TRAPPC9: variants seen among roughly 807,000 people sequenced by gnomAD.
TRAPPC9 encodes IKK2 binding protein.
A neutral mutation model predicts 124.0 loss-of-function variants in TRAPPC9; 83 were observed. The observed-to-expected ratio is 0.67, with a 90% CI of 0.56 to 0.80. The LOEUF (loss-of-function observed/expected upper bound fraction) is 0.80. Ranked by LOEUF, TRAPPC9 falls within the 30% of genes least tolerant of loss-of-function variation. The pLI, the probability that TRAPPC9 is intolerant of heterozygous loss-of-function variation, is 0.00. For missense variants in TRAPPC9, 1,302 were observed against 1,508.3 expected (o/e 0.86, Z 2.27); for synonymous variants, 638 against 617.5 (o/e 1.03, Z -0.49).
intron 21 of TRAPPC9, among the ~76,000 whole-genome samples, chr8:139,739,503 G>A (rs566361136): frequency 3.2e-4 from 49 of 152,310 alleles, no homozygotes; most frequent in African/African-American, 1.0e-3. Flanking sequence ...CCCGTCTCCC[G>A]GGCTGTGTCC....
At chr8:139,772,088 C>G (rs993019113) in intron 21 of TRAPPC9, among the ~76,000 whole-genome samples, 1 of 152,226 alleles carries the variant, frequency 6.6e-6, no homozygotes, top group African/African-American at 2.4e-5. Flanking sequence ...CTATCTAGCC[C>G]GCCAACCTCT....
Position 140,272,132 on chromosome 8 carries a change from A to ATGATGGTGATGG in TRAPPC9, c.2278+3525_2278+3526insCCATCACCATCA, listed in dbSNP as rs1250595231. On this transcript the variant is annotated intron_variant, in intron 15 of 22. Coordinates refer to ENST00000438773, the MANE Select transcript of TRAPPC9 (RefSeq NM_001160372.4). ...GGTGGTGGCAATGGTGATGGTGGCGATGGTGATGGTGATGGTGGTAGCAGT... is the reference window on the plus strand; with the variant it reads ...GGTGGTGGCAATGGTGATGGTGGCGATGATGGTGATGGTGGTGATGGTGATGGTGGTAGCAGT... Among the ~76,000 whole-genome samples, 112 of 138,756 alleles carry ATGATGGTGATGG rather than the reference A, an allele frequency of 8.1e-4. 1 individual carries two copies. The highest frequency in any genetic ancestry group is 2.7e-3 in the African/African-American group (102 of 37,990). The allele number at this position is 138,756 out of a possible 152,430, so 91.0% of individuals were successfully genotyped here.
chr8:140,379,467 C>A (rs1224832268), intron 7 of TRAPPC9, among the ~76,000 whole-genome samples: 1 of 152,124 alleles, frequency 6.6e-6, no homozygotes, highest in Non-Finnish European at 1.5e-5. Flanking sequence ...GCGGAAAGGT[C>A]CTATTCTGCC....
chr8:140,322,386 C>T (rs2066619336), intron 9 of TRAPPC9, among the ~76,000 whole-genome samples: 1 of 152,176 alleles, frequency 6.6e-6, no homozygotes, highest in African/African-American at 2.4e-5. Context: ...CCCCTGGTGG[C>T]AAGCCTTTTG....
At position 139,748,908 on chromosome 8, in the gene TRAPPC9, C is replaced by T. The variant is rs117400776; in HGVS notation, c.3056-16706G>A. Among the ~76,000 whole-genome samples the T allele has an allele frequency of 7.5e-4, 114 of 152,238 alleles. 1 individual carries two copies. The East Asian group carries it at 0.018, about 25-fold the overall frequency. On this transcript the variant is annotated intron_variant, in intron 21 of 22. Transcript: ENST00000438773. Reference sequence around the variant, plus strand: ...TGGGGTCTCCACCAGGATTTCTAGACCTTGAACTCTGGCAGTAGGTCCAGG... The same window carrying T: ...TGGGGTCTCCACCAGGATTTCTAGATCTTGAACTCTGGCAGTAGGTCCAGG...
chr8:139,970,528 C>A (rs894009535), intron 19 of TRAPPC9, among the ~76,000 whole-genome samples: 5 of 152,130 alleles, frequency 3.3e-5, no homozygotes. Flanking sequence ...CAGAGAGAGG[C>A]CCCTTCATAC....
intron 9 of TRAPPC9, among the ~76,000 whole-genome samples, chr8:140,326,883 AAAAAT>A (rs2066752761): frequency 1.3e-5 from 2 of 152,120 alleles, no homozygotes; most frequent in Admixed American, 1.3e-4. Context: ...CCTGTCTCAA[AAAAAT>A]AAAATAAAAT....
At chr8:140,008,199 T>C (rs1333147036) in intron 18 of TRAPPC9, among the ~76,000 whole-genome samples, 1 of 152,256 alleles carries the variant, frequency 6.6e-6, no homozygotes. Context: ...TTAAGTTCCC[T>C]TCCAACAAGA....
intron 15 of TRAPPC9, among the ~76,000 whole-genome samples, chr8:140,265,196 G>A (rs1237537046): frequency 1.3e-5 from 2 of 152,122 alleles, no homozygotes; most frequent in Admixed American, 1.3e-4. Context: ...TGCCACCCCA[G>A]GCCGCGCCCA....
chr8:139,755,774 G>T (rs1348058636), intron 21 of TRAPPC9, among the ~76,000 whole-genome samples: 47 of 120,722 alleles, frequency 3.9e-4, no homozygotes, highest in African/African-American at 1.5e-3. Flanking sequence ...AGGGTTTGGG[G>T]ATGAGGACAG....
At chr8:140,313,668 C>A (rs1292839183) in intron 9 of TRAPPC9, among the ~76,000 whole-genome samples, 1 of 152,146 alleles carries the variant, frequency 6.6e-6, no homozygotes, top group African/African-American at 2.4e-5. Flanking sequence ...GCAGGGCACA[C>A]CTCTCCGCTG....
At chr8:140,339,573 C>G (rs1157247128) in intron 9 of TRAPPC9, among the ~76,000 whole-genome samples, 1 of 152,200 alleles carries the variant, frequency 6.6e-6, no homozygotes, top group African/African-American at 2.4e-5. Flanking sequence ...CCTCCCAACT[C>G]CTCATCTGGT....
At chr8:139,789,285 G>A (rs1046325869) in intron 21 of TRAPPC9, among the ~76,000 whole-genome samples, 10 of 152,200 alleles carry the variant, frequency 6.6e-5, no homozygotes, top group African/African-American at 2.2e-4. Flanking sequence ...GGGGAGCTGC[G>A]TGGTTGGGTT....
chr8:140,151,538 C>A (rs150214258), intron 17 of TRAPPC9, among the ~76,000 whole-genome samples: 1 of 152,138 alleles, frequency 6.6e-6, no homozygotes, highest in Non-Finnish European at 1.5e-5. Context: ...CCTCCCTGTA[C>A]GTGAGCCTGC....
chr8:140,444,685 A>ACC lies in TRAPPC9; in HGVS notation c.585-5490_585-5489dup, dbSNP rs35123329. ...AGACCAGCCTAGCCAACATGGTGAG[A>ACC]CCCCCCCCATCTCTACTAAAAATAC... On this transcript the variant is annotated intron_variant, in intron 2 of 22. Transcript: ENST00000438773. 1.4e-3 allele frequency among the ~76,000 whole-genome samples: 209 copies of ACC among 150,434 alleles called. 1 individual carries two copies. Among genetic ancestry groups the ACC allele is most frequent in the African/African-American group, 3.1e-3 (128 of 40,842 alleles).
At chr8:139,870,245 A>G (rs997555667) in intron 21 of TRAPPC9, among the ~76,000 whole-genome samples, 11 of 152,236 alleles carry the variant, frequency 7.2e-5, no homozygotes, top group Non-Finnish European at 1.3e-4. Flanking sequence ...TGCCGCACTC[A>G]CCTTAGTATA....
chr8:139,958,245 C>A (rs1246458794), intron 19 of TRAPPC9, among the ~76,000 whole-genome samples: 3 of 152,252 alleles, frequency 2.0e-5, no homozygotes, highest in African/African-American at 7.2e-5. Flanking sequence ...CTTCCCCTGA[C>A]AACACACTCA....
At position 139,998,350 on chromosome 8, in the gene TRAPPC9, T is replaced by C. The variant is rs187956689; in HGVS notation, c.2700-9514A>G. 1.8e-4 allele frequency among the ~76,000 whole-genome samples: 27 copies of C among 152,326 alleles called. No homozygotes were observed. In the East Asian group the frequency reaches 4.0e-3, roughly 23 times the overall value. ...AGGGTGAATAATAATACAGGGAAAC[T>C]TGAACACGAAGCAAAAAGAGTAACA... On this transcript the variant is annotated intron_variant, in intron 18 of 22. Transcript: ENST00000438773.
At chr8:140,395,941 C>T (rs2069081445) in intron 7 of TRAPPC9, among the ~76,000 whole-genome samples, 2 of 152,088 alleles carry the variant, frequency 1.3e-5, no homozygotes, top group Admixed American at 1.3e-4. Flanking sequence ...CACAGCCGGC[C>T]GCTGACCCTT....
Sources: allele counts gnomAD v4.1 joint callset (sites outside exome capture counted in the v4.1 genomes callset), GRCh38; gene constraint gnomAD v4.1.1; transcripts MANE v1.5; gene names NCBI Gene and HGNC (gene_info 2026-07-23, HGNC 2026-07-21).